The following TMEM135 variants were observed in gnomAD, a reference collection of about 807,000 sequenced individuals.
The protein encoded by TMEM135 is transmembrane protein 135.
A neutral mutation model predicts 60.3 loss-of-function variants in TMEM135; 30 were observed. The observed-to-expected ratio is 0.50, with a 90% CI of 0.37 to 0.68. TMEM135 has a LOEUF of 0.68. Ranked by LOEUF, TMEM135 falls within the 30% of genes least tolerant of loss-of-function variation. The probability of loss-of-function intolerance (pLI) is 0.00; values close to 1 mark genes in which losing one functional copy is unlikely to be tolerated. For synonymous variants in TMEM135, 190 were observed against 186.7 expected (o/e 1.02, Z -0.14); for missense variants, 468 against 548.8 (o/e 0.85, Z 1.47).
chr11:87,306,037 A>G, intron 9 of TMEM135, 32 bp downstream of exon 9: 2 of 1,287,626 alleles, frequency 1.6e-6, no homozygotes, highest in Non-Finnish European at 2.2e-6. Context: ...CTTTATTAAC[A>G]GTAGGGAATG....
intron 5 of TMEM135, among the ~76,000 whole-genome samples, chr11:87,187,853 A>G (rs1939692089): frequency 6.6e-6 from 1 of 152,218 alleles, no homozygotes; most frequent in African/African-American, 2.4e-5. Context: ...CCGTTCATTC[A>G]TCTAGTACAG....
At chr11:87,085,972 T>TG (rs1489038817) in intron 3 of TMEM135, among the ~76,000 whole-genome samples, 1 of 152,172 alleles carries the variant, frequency 6.6e-6, no homozygotes, top group East Asian at 1.9e-4. Context: ...TTACACTTCA[T>TG]GGTACTATTG....
intron 4 of TMEM135, among the ~76,000 whole-genome samples, chr11:87,134,694 C>T (rs1004314998): frequency 2.0e-5 from 3 of 152,170 alleles, no homozygotes; most frequent in African/African-American, 7.2e-5. Flanking sequence ...CTATGTTGCC[C>T]AGTCTGGGCT....
At chr11:87,143,761 C>T (rs571830519) in intron 4 of TMEM135, among the ~76,000 whole-genome samples, 184 of 152,040 alleles carry the variant, frequency 1.2e-3, no homozygotes, top group Non-Finnish European at 1.4e-3. Flanking sequence ...GGATCTTTCC[C>T]CTCCAGAATT....
At chr11:87,129,213 ATTTTTTTTTTTTTTTTTTTT>A (rs71040295) in intron 4 of TMEM135, among the ~76,000 whole-genome samples, 2,052 of 114,260 alleles carry the variant, frequency 0.018, 12 homozygotes, top group Non-Finnish European at 0.022. Context: ...TTATTCCTTA[ATTTTTTTTTTTTTTTTTTTT>A]TTTTTTTTTT....
chr11:87,157,074 G>GTTT (rs199977904), intron 4 of TMEM135, among the ~76,000 whole-genome samples: 3 of 137,890 alleles, frequency 2.2e-5, no homozygotes, highest in Non-Finnish European at 4.7e-5. Flanking sequence ...TCTTTCTTTT[G>GTTT]TTTTTTTTTT....
chr11:87,259,024 A>C (rs569139723), intron 6 of TMEM135: 2 of 1,519,092 alleles, frequency 1.3e-6, no homozygotes, highest in African/African-American at 2.7e-5. Flanking sequence ...CCCAATCCAC[A>C]CGGCTGCCCT....
At position 87,244,628 on chromosome 11, in the gene TMEM135, T is replaced by G. The variant is rs1361611227; in HGVS notation, c.509+7944T>G. Among the ~76,000 whole-genome samples, 44 of 81,122 alleles carry G rather than the reference T, an allele frequency of 5.4e-4. 16 individuals carry two copies. Among genetic ancestry groups the G allele is most frequent in the Non-Finnish European group, 2.1e-4 (7 of 33,264 alleles). The allele number at this position is 81,122 out of a possible 152,430, so 53.2% of individuals were successfully genotyped here. On this transcript the variant is annotated intron_variant, in intron 6 of 14. Transcript: ENST00000305494. ...ATCCATTTCTTCCACATTTTCTAGT[T>G]TATTTGCGTAGAGGTGTTTGTAGTA...
chr11:87,090,837 A>G (rs922776193), intron 3 of TMEM135, among the ~76,000 whole-genome samples: 3 of 152,090 alleles, frequency 2.0e-5, no homozygotes, highest in Admixed American at 2.0e-4. Context: ...TTAGTGCCTG[A>G]CTTTTCGTTT....
intron 6 of TMEM135, chr11:87,277,210 C>A: frequency 3.1e-6 from 1 of 322,338 alleles, no homozygotes; most frequent in Non-Finnish European, 6.4e-6. Context: ...CAGCTCACTA[C>A]AACCTGCACC....
chr11:87,312,854 A>G (rs2135450600), intron 10 of TMEM135, among the ~76,000 whole-genome samples: 1 of 152,064 alleles, frequency 6.6e-6, no homozygotes, highest in East Asian at 1.9e-4. Context: ...AGTAAAGATA[A>G]GAAAAATATG....
At chr11:87,169,765 G>A (rs1012421083) in intron 5 of TMEM135, among the ~76,000 whole-genome samples, 1 of 152,084 alleles carries the variant, frequency 6.6e-6, no homozygotes, top group Non-Finnish European at 1.5e-5. Context: ...TGGTGAATCT[G>A]ACAATTATGT....
chr11:87,171,464 C>G (rs1006867125), intron 5 of TMEM135, among the ~76,000 whole-genome samples: 2 of 151,882 alleles, frequency 1.3e-5, no homozygotes, highest in Non-Finnish European at 2.9e-5. Flanking sequence ...GTGTCCTATG[C>G]TAAGCCAGTA....
At chr11:87,162,283 G>A (rs1938901861) in intron 5 of TMEM135, among the ~76,000 whole-genome samples, 1 of 151,422 alleles carries the variant, frequency 6.6e-6, no homozygotes, top group Non-Finnish European at 1.5e-5. Context: ...CAGGTTTGTT[G>A]CATAGGTATA....
In TMEM135 at chr11:87,103,487, T is replaced by G. The variant is rs906443939; in HGVS notation, c.396+12092T>G. 1.3e-4 allele frequency among the ~76,000 whole-genome samples: 11 copies of G among 85,134 alleles called. No homozygotes were observed. In the Admixed American group the frequency reaches 1.3e-3, roughly 10 times the overall value. 55.9% of individuals were successfully genotyped at this position (85,134 alleles called of 152,430 possible). A position where few individuals can be genotyped will look rare whatever the true frequency, so the allele number is the denominator to read the frequency against. ...TGTTAGCCATGTTTTTTTTGTTTTTTTTTTTTGTTTGTTTTTTTGTTTTTG... is the reference window on the plus strand; with the variant it reads ...TGTTAGCCATGTTTTTTTTGTTTTTGTTTTTTGTTTGTTTTTTTGTTTTTG... On this transcript the variant is annotated intron_variant, in intron 4 of 14. Coordinates refer to ENST00000305494, the MANE Select transcript of TMEM135 (RefSeq NM_022918.4).
At chr11:87,145,201 C>T (rs771136552) in intron 4 of TMEM135, among the ~76,000 whole-genome samples, 32 of 152,182 alleles carry the variant, frequency 2.1e-4, no homozygotes, top group East Asian at 1.7e-3. Context: ...TTTCTGGGTA[C>T]GACTTATACA....
chr11:87,294,592 AG>A (rs1484482740), intron 6 of TMEM135, among the ~76,000 whole-genome samples: 1 of 152,220 alleles, frequency 6.6e-6, no homozygotes, highest in Non-Finnish European at 1.5e-5. Context: ...CATGTTGGTC[AG>A]GCTGGTCTTG....
intron 6 of TMEM135, among the ~76,000 whole-genome samples, chr11:87,247,142 C>T (rs1168121203): frequency 2.0e-5 from 3 of 151,184 alleles, no homozygotes; most frequent in African/African-American, 7.3e-5. Flanking sequence ...GCCTGGGTAC[C>T]AGCAGCCGTG....
chr11:87,168,424 G>T (rs1230957481), intron 5 of TMEM135, among the ~76,000 whole-genome samples: 1 of 151,760 alleles, frequency 6.6e-6, no homozygotes, highest in Non-Finnish European at 1.5e-5. Context: ...TCTTTCCCAC[G>T]TGCTTCTGTG....
Sources: allele counts gnomAD v4.1 joint callset (sites outside exome capture counted in the v4.1 genomes callset), GRCh38; gene constraint gnomAD v4.1.1; transcripts MANE v1.5; gene names NCBI Gene and HGNC (gene_info 2026-07-23, HGNC 2026-07-21).